CDKN2AIPNL: variants seen among roughly 807,000 people sequenced by gnomAD.
CDKN2AIPNL encodes XRN2 binding domain containing 1, also known as CDKN2AIP N-terminal-like protein.
A neutral mutation model predicts 12.9 loss-of-function variants in CDKN2AIPNL; 9 were observed. The observed-to-expected ratio is 0.70, with a 90% confidence interval of 0.42 to 1.22. CDKN2AIPNL has a LOEUF of 1.22. Among genes scored for constraint, CDKN2AIPNL ranks in the 50% most tolerant of loss-of-function variants. CDKN2AIPNL has a pLI of 0.00. For missense variants in CDKN2AIPNL, 143 were observed against 153.6 expected, an observed-to-expected ratio of 0.93 and a Z score of 0.37; for synonymous variants, 53 against 61.7, an observed-to-expected ratio of 0.86 and a Z score of 0.66.
At chr5:134,411,053 G>A in intron 1 of CDKN2AIPNL, 1 of 702,584 alleles carries the variant, frequency 1.4e-6, no homozygotes, top group Non-Finnish European at 2.6e-6. Context: ...GCAGAGAGGT[G>A]AAGCTGGTTC....
intron 2 of CDKN2AIPNL, among the ~76,000 whole-genome samples, chr5:134,403,391 A>G (rs539708126): frequency 6.6e-6 from 1 of 152,350 alleles, no homozygotes; most frequent in South Asian, 2.1e-4. Context: ...CTTGTCTTCA[A>G]ATAGTGGTGA....
chr5:134,411,374 C>G (rs1488681277), intron 1 of CDKN2AIPNL, among the ~76,000 whole-genome samples: 4 of 152,194 alleles, frequency 2.6e-5, no homozygotes, highest in Admixed American at 6.5e-5. Context: ...TAGCTCTTCA[C>G]CCTTTAATTA....
At chr5:134,411,277 T>G (rs532200212) in intron 1 of CDKN2AIPNL, among the ~76,000 whole-genome samples, 8 of 152,342 alleles carry the variant, frequency 5.3e-5, no homozygotes, top group Middle Eastern at 3.4e-3. Flanking sequence ...CTAACGGACT[T>G]CGAATGCATA....
chr5:134,402,622 G>GAAA lies in CDKN2AIPNL; in HGVS notation c.*290_*292dup. On this transcript the variant is annotated 3_prime_UTR_variant, in exon 3 of 3. Transcript: ENST00000458198. ...CGACAGAGTGAGACCTTGTCGATAAGAAAAAAAAAAACCTGAAAACAGAAA... is the reference window on the plus strand; with the variant it reads ...CGACAGAGTGAGACCTTGTCGATAAGAAAAAAAAAAAAAACCTGAAAACAGAAA... 4 of 254,172 alleles carry GAAA rather than the reference G, an allele frequency of 1.6e-5. No homozygotes were observed. The highest frequency in any genetic ancestry group is 6.9e-5 in the East Asian group (1 of 14,492). 15.7% of individuals were successfully genotyped at this position (254,172 alleles called of 1,614,324 possible). A position where few individuals can be genotyped will look rare whatever the true frequency, so the allele number is the denominator to read the frequency against.
chr5:134,410,870 G>C, intron 1 of CDKN2AIPNL: 1 of 598,672 alleles, frequency 1.7e-6, no homozygotes, highest in South Asian at 2.0e-5. Flanking sequence ...CAGGAAAATC[G>C]AAGCTCTCTA....
At chr5:134,409,707 G>A (rs328043) in intron 2 of CDKN2AIPNL, among the ~76,000 whole-genome samples, 196 bp downstream of exon 2, 16,416 of 152,164 alleles carry the variant, frequency 0.11, 1,368 homozygotes, top group East Asian at 0.38. Context: ...CATCAACAAT[G>A]CATAATTTAC....
At chr5:134,403,029 A>G in intron 2 of CDKN2AIPNL, 103 bp from the exon 3 acceptor site, 1 of 901,402 alleles carries the variant, frequency 1.1e-6, no homozygotes, top group Non-Finnish European at 1.7e-6. Flanking sequence ...TTTATGTACT[A>G]TCCAGACAGT....
In CDKN2AIPNL at chr5:134,411,865, G is replaced by C. The variant is rs768780912; in HGVS notation, c.-11C>G. Reference sequence around the variant, plus strand: ...CTCGCCACCGACCATGGTGCCCGCCGCAGCCGAGGACCGGATAGCCCGCCG... The same window carrying C: ...CTCGCCACCGACCATGGTGCCCGCCCCAGCCGAGGACCGGATAGCCCGCCG... On this transcript the variant is annotated 5_prime_UTR_variant, in exon 1 of 3. Coordinates refer to ENST00000458198, the MANE Select transcript of CDKN2AIPNL (RefSeq NM_080656.3). 7 of 1,556,922 alleles carry C rather than the reference G, an allele frequency of 4.5e-6. No homozygotes were observed. The East Asian group carries it at 1.7e-4, about 38-fold the overall frequency.
chr5:134,407,219 T>C (rs1423662582), intron 2 of CDKN2AIPNL, among the ~76,000 whole-genome samples: 1 of 150,962 alleles, frequency 6.6e-6, no homozygotes, highest in East Asian at 2.0e-4. Context: ...TTTTTAGGTA[T>C]AAGACCCCTT....
intron 2 of CDKN2AIPNL, among the ~76,000 whole-genome samples, chr5:134,408,038 C>T (rs1450624692): frequency 6.6e-6 from 1 of 151,290 alleles, no homozygotes; most frequent in Non-Finnish European, 1.5e-5. Context: ...GGCTGTGGCG[C>T]TAGAATCACT....
Position 134,402,580 on chromosome 5 carries a change from T to C in CDKN2AIPNL, c.*335A>G, listed in dbSNP as rs1347441818. On this transcript the variant is annotated 3_prime_UTR_variant, in exon 3 of 3. Coordinates refer to ENST00000458198, the MANE Select transcript of CDKN2AIPNL (RefSeq NM_080656.3). The stretch of plus-strand genomic sequence containing the variant: ...GCTGCAATGAGCCAATACTGCACCT[T>C]TGTGCTTCTGCCTGGGCGACAGAGT... 1.3e-5 allele frequency: 3 copies of C among 223,748 alleles called. No individual in the cohort carries two copies. The highest frequency in any genetic ancestry group is 1.8e-4 in the East Asian group (2 of 10,852). The allele number at this position is 223,748 out of a possible 1,614,324, so 13.9% of individuals were successfully genotyped here.
intron 2 of CDKN2AIPNL, among the ~76,000 whole-genome samples, chr5:134,408,036 C>T (rs561291890): frequency 5.9e-5 from 9 of 151,658 alleles, no homozygotes; most frequent in South Asian, 2.1e-4. Context: ...GAGGCTGTGG[C>T]GCTAGAATCA....
chr5:134,411,226 C>A, intron 1 of CDKN2AIPNL: 1 of 648,126 alleles, frequency 1.5e-6, no homozygotes, highest in Non-Finnish European at 2.8e-6. Flanking sequence ...ATGGGGATCT[C>A]CGTTTCTCTC....
chr5:134,405,108 C>CTTT (rs66512248), intron 2 of CDKN2AIPNL, among the ~76,000 whole-genome samples: 1 of 131,652 alleles, frequency 7.6e-6, no homozygotes, highest in African/African-American at 2.7e-5. Context: ...CGTCATTTTT[C>CTTT]TTTTTTTTTT....
rs568676310 is a variant in CDKN2AIPNL at position 134,411,708 on chromosome 5, G to T, written c.147C>A (p.Pro49=). ...ARMEFILRHL[P]DYRDPPDGSG... ...TGCCGTCGGGCGGGTCGCGGTAGTCGGGCAGGTGGCGCAGGATGAATTCCA... is the reference window on the plus strand; with the variant it reads ...TGCCGTCGGGCGGGTCGCGGTAGTCTGGCAGGTGGCGCAGGATGAATTCCA... The change falls in exon 1 of 3, where the codon CCC becomes CCA. Residue 49 remains proline, a synonymous_variant. Transcript: ENST00000458198. 3.7e-6 allele frequency: 6 copies of T among 1,613,018 alleles called. No individual in the cohort carries two copies. Among genetic ancestry groups the T allele is most frequent in the African/African-American group, 1.3e-5 (1 of 74,908 alleles).
Position 134,411,694 on chromosome 5 carries a change from G to A in CDKN2AIPNL, c.161C>T (p.Pro54Leu), listed in dbSNP as rs1181650921. Residue 54 changes from proline to leucine, a missense_variant, in exon 1 of 3, where the codon CCG becomes CTG. Physicochemically the swap from Pro to Leu is moderately conservative, Grantham distance 98. Transcript: ENST00000458198. ...ILRHLPDYRDPPDGSGRLDQL... is the reference protein window; with the variant it reads ...ILRHLPDYRDLPDGSGRLDQL... ...GTCCAGGCGGCCACTGCCGTCGGGC[G>A]GGTCGCGGTAGTCGGGCAGGTGGCG... 5 of 1,613,060 alleles carry A rather than the reference G, an allele frequency of 3.1e-6. No homozygotes were observed. In the Admixed American group the frequency reaches 5.0e-5, roughly 16 times the overall value.
chr5:134,404,972 CG>C (rs965772922), intron 2 of CDKN2AIPNL, among the ~76,000 whole-genome samples: 7 of 149,538 alleles, frequency 4.7e-5, no homozygotes, highest in African/African-American at 1.7e-4. Context: ...TTTTAGTTGA[CG>C]GGGTTTTGCC....
In CDKN2AIPNL at chr5:134,402,670, G is replaced by T; in HGVS notation, c.*245C>A. 2.7e-6 allele frequency: 1 copy of T among 370,140 alleles called. No individual in the cohort carries two copies. The highest frequency in any genetic ancestry group is 4.8e-6 in the Non-Finnish European group (1 of 206,780). The allele number at this position is 370,140 out of a possible 1,614,324, so 22.9% of individuals were successfully genotyped here. A position where few individuals can be genotyped will look rare whatever the true frequency, so the allele number is the denominator to read the frequency against. ...AAAAGAGGGCTTTTACAATGTTGAT[G>T]AACTCATCTTAGAGTGCATGATTTA... On this transcript the variant is annotated 3_prime_UTR_variant, in exon 3 of 3. Coordinates refer to ENST00000458198, the MANE Select transcript of CDKN2AIPNL (RefSeq NM_080656.3).
At position 134,404,726 on chromosome 5, in the gene CDKN2AIPNL, C is replaced by G. The variant is rs1006160855; in HGVS notation, c.340-1800G>C. Among the ~76,000 whole-genome samples, 12 of 152,068 alleles carry G rather than the reference C, an allele frequency of 7.9e-5. 1 individual carries two copies. Among genetic ancestry groups the G allele is most frequent in the Non-Finnish European group, 1.2e-4 (8 of 68,014 alleles). On this transcript the variant is annotated intron_variant, in intron 2 of 2. Transcript: ENST00000458198. ...GGCAGCTCTAGTACCTCAGAGCTTG[C>G]CAAGATGACACAATGCACAAAAGCA... is the stretch of plus-strand genomic sequence containing the variant.
Sources: gnomAD v4.1 joint callset for allele counts (sites outside exome capture counted in the v4.1 genomes callset) on GRCh38, gnomAD v4.1.1 for gene constraint, MANE v1.5 for transcripts, NCBI Gene and HGNC (gene_info 2026-07-23, HGNC 2026-07-21) for gene names.